ZNF385D: variants seen among roughly 807,000 people sequenced by gnomAD.
The protein encoded by ZNF385D is zinc finger protein 659.
In ZNF385D, 15 loss-of-function variants were observed where a neutral mutation model predicts 35.8. The observed-to-expected ratio is 0.42, with a 90% CI of 0.28 to 0.64. ZNF385D has a LOEUF of 0.64. Ranked by LOEUF, ZNF385D falls within the 30% of genes least tolerant of loss-of-function variation. The probability of loss-of-function intolerance (pLI) is 0.23; values close to 1 mark genes in which losing one functional copy is unlikely to be tolerated. For missense variants in ZNF385D, 474 were observed against 494.6 expected (o/e 0.96, Z 0.39); for synonymous variants, 212 against 186.8 (o/e 1.13, Z -1.10).
At chr3:22,009,292 T>C (rs76033201) in intron 3 of ZNF385D, among the ~76,000 whole-genome samples, 24,823 of 152,020 alleles carry the variant, frequency 0.16, 2,178 homozygotes, top group Non-Finnish European at 0.19. Flanking sequence ...TGTGGTATAG[T>C]TATACTATGG....
intron 3 of ZNF385D, among the ~76,000 whole-genome samples, chr3:22,114,222 A>C (rs1427554034): frequency 6.6e-6 from 1 of 152,080 alleles, no homozygotes; most frequent in Non-Finnish European, 1.5e-5. Flanking sequence ...GCTGTTAAAC[A>C]TTATGGATAA....
At chr3:21,759,827 A>G (rs1215540824) in intron 3 of ZNF385D, among the ~76,000 whole-genome samples, 1 of 152,210 alleles carries the variant, frequency 6.6e-6, no homozygotes, top group Admixed American at 6.5e-5. Flanking sequence ...GTGCAGCTCC[A>G]GTAAATTTGG....
intron 2 of ZNF385D, among the ~76,000 whole-genome samples, chr3:22,335,850 G>T (rs1695137373): frequency 6.6e-6 from 1 of 152,142 alleles, no homozygotes; most frequent in Admixed American, 6.5e-5. Context: ...TAGTCTATAT[G>T]TGATAGCCTT....
intron 2 of ZNF385D, among the ~76,000 whole-genome samples, chr3:22,185,510 G>A (rs543413702): frequency 1.2e-4 from 19 of 152,022 alleles, no homozygotes; most frequent in Admixed American, 5.3e-4. Context: ...TCACTCTGTC[G>A]TCCAGGCTGG....
intron 3 of ZNF385D, among the ~76,000 whole-genome samples, chr3:22,020,245 T>C (rs1292132064): frequency 2.0e-5 from 3 of 151,842 alleles, no homozygotes; most frequent in Non-Finnish European, 4.4e-5. Flanking sequence ...ATAACAAGAA[T>C]AGGAGCCAGC....
At chr3:21,871,733 C>T (rs188019087) in intron 3 of ZNF385D, among the ~76,000 whole-genome samples, 1 of 152,184 alleles carries the variant, frequency 6.6e-6, no homozygotes, top group Admixed American at 6.5e-5. Flanking sequence ...AGGCCGGGCG[C>T]AGTGGCTCAC....
intron 3 of ZNF385D, among the ~76,000 whole-genome samples, chr3:21,560,938 T>TTACACTGTGAGGGTATACCTCC (rs2062922107): frequency 1.3e-5 from 2 of 152,110 alleles, no homozygotes; most frequent in South Asian, 4.1e-4. Flanking sequence ...GTGGCTTTGT[T>TTACACTGTGAGGGTATACCTCC]TACACTGTGA....
chr3:21,862,598 G>A (rs1697116294), intron 3 of ZNF385D, among the ~76,000 whole-genome samples: 1 of 152,080 alleles, frequency 6.6e-6, no homozygotes, highest in South Asian at 2.1e-4. Flanking sequence ...TATATTATGT[G>A]TATAGCATTC....
intron 3 of ZNF385D, among the ~76,000 whole-genome samples, chr3:21,835,327 T>C (rs778438176): frequency 6.6e-6 from 1 of 152,052 alleles, no homozygotes; most frequent in African/African-American, 2.4e-5. Flanking sequence ...TGCAAGTATG[T>C]AGCAAATGGC....
rs75535898 is a variant in ZNF385D at position 21,564,439 on chromosome 3, G to A, written c.276+135C>T. 327 of 477,124 alleles carry A rather than the reference G, an allele frequency of 6.9e-4. 4 individuals carry two copies. The East Asian group carries it at 0.011, about 16-fold the overall frequency. The allele number at this position is 477,124 out of a possible 1,614,324, so 29.6% of individuals were successfully genotyped here. ...AAACTCCAAAATTAAAGCACATAGT[G>A]AGTTAAAATGTTATCTTTGAATTTT... is the stretch of plus-strand genomic sequence containing the variant. On this transcript the variant is annotated intron_variant, in intron 3 of 7. Transcript: ENST00000281523.
At chr3:22,083,886 A>C (rs149658141) in intron 3 of ZNF385D, among the ~76,000 whole-genome samples, 6 of 152,178 alleles carry the variant, frequency 3.9e-5, no homozygotes, top group Admixed American at 3.3e-4. Context: ...CTGATCTCTC[A>C]GCAGAAACTC....
chr3:22,056,567 T>G (rs553647932), intron 3 of ZNF385D, among the ~76,000 whole-genome samples: 1 of 152,136 alleles, frequency 6.6e-6, no homozygotes, highest in African/African-American at 2.4e-5. Context: ...AGTTTAAAAA[T>G]GGTTCTGACC....
chr3:22,368,300 A>G (rs1049904341), intron 2 of ZNF385D, among the ~76,000 whole-genome samples: 1 of 152,200 alleles, frequency 6.6e-6, no homozygotes, highest in Admixed American at 6.5e-5. Flanking sequence ...ATCCCAATCT[A>G]GGCACACTAC....
intron 2 of ZNF385D, among the ~76,000 whole-genome samples, chr3:21,635,529 A>G (rs2065402113): frequency 7.0e-6 from 1 of 142,210 alleles, no homozygotes; most frequent in Non-Finnish European, 1.5e-5. Context: ...TTCCAGAGTC[A>G]CTGTTTGTTG....
At chr3:22,187,505 A>C (rs907996721) in intron 2 of ZNF385D, among the ~76,000 whole-genome samples, 7 of 151,926 alleles carry the variant, frequency 4.6e-5, no homozygotes, top group South Asian at 2.1e-4. Flanking sequence ...CACACACACA[A>C]AGACATATAT....
At chr3:21,696,942 T>G (rs1467354999) in intron 1 of ZNF385D, among the ~76,000 whole-genome samples, 1 of 152,228 alleles carries the variant, frequency 6.6e-6, no homozygotes, top group African/African-American at 2.4e-5. Context: ...TGTTTTAATA[T>G]TATTTAAAAG....
At chr3:21,868,708 T>G (rs1697517274) in intron 3 of ZNF385D, among the ~76,000 whole-genome samples, 1 of 152,170 alleles carries the variant, frequency 6.6e-6, no homozygotes, top group South Asian at 2.1e-4. Flanking sequence ...GCGTATTAGT[T>G]CACATATGTA....
At chr3:21,567,259 C>T (rs985881920) in intron 2 of ZNF385D, among the ~76,000 whole-genome samples, 2 of 152,150 alleles carry the variant, frequency 1.3e-5, no homozygotes, top group Non-Finnish European at 2.9e-5. Context: ...ATTACAGTAT[C>T]TCTTCCTTAG....
At chr3:21,844,461 C>G (rs1266939276) in intron 3 of ZNF385D, among the ~76,000 whole-genome samples, 1 of 150,406 alleles carries the variant, frequency 6.6e-6, no homozygotes, top group East Asian at 1.9e-4. Flanking sequence ...AACCTGGATG[C>G]TAAAGTTGTC....
Sources: allele counts gnomAD v4.1 joint callset (sites outside exome capture counted in the v4.1 genomes callset), GRCh38; gene constraint gnomAD v4.1.1; transcripts MANE v1.5; gene names NCBI Gene and HGNC (gene_info 2026-07-23, HGNC 2026-07-21).